The following FZD3 variants were observed in gnomAD, a reference collection of about 807,000 sequenced individuals.
FZD3 encodes the protein frizzled class receptor 3.
In FZD3, 30 loss-of-function variants were observed where a neutral mutation model predicts 60.7. The ratio of observed to expected loss-of-function variants is 0.49; its 90% CI spans 0.37 to 0.67. FZD3 has a LOEUF of 0.67. Among genes scored for constraint, FZD3 ranks in the 30% least tolerant of loss-of-function variants. The probability of loss-of-function intolerance (pLI) is 0.00; values close to 1 mark genes in which losing one functional copy is unlikely to be tolerated. For missense variants in FZD3, 605 were observed against 838.7 expected, an observed-to-expected ratio of 0.72 and a Z score of 3.44; for synonymous variants, 246 against 275.2, an observed-to-expected ratio of 0.89 and a Z score of 1.05.
At chr8:28,503,376 A>G (rs1447795920) in intron 3 of FZD3, among the ~76,000 whole-genome samples, 174 bp downstream of exon 3, 1 of 152,228 alleles carries the variant, frequency 6.6e-6, no homozygotes, top group Non-Finnish European at 1.5e-5. Flanking sequence ...AGATTGAAGA[A>G]TTCACATTTG....
At chr8:28,542,981 A>T (rs944165548) in intron 5 of FZD3, among the ~76,000 whole-genome samples, 1 of 152,146 alleles carries the variant, frequency 6.6e-6, no homozygotes, top group Non-Finnish European at 1.5e-5. Flanking sequence ...GTAGGATAGG[A>T]TGTATCTCTA....
At chr8:28,525,611 G>GA (rs1284404278) in intron 4 of FZD3, among the ~76,000 whole-genome samples, 2 of 152,164 alleles carry the variant, frequency 1.3e-5, no homozygotes. Flanking sequence ...AATAAGATCA[G>GA]AAAAGTACTG....
chr8:28,520,839 G>A lies in FZD3; in HGVS notation c.386+5G>A, dbSNP rs1003095822. ...TGAAGATATGGAATGCAGTAGGTGC[G>A]AAAATCATAGATTTTCATGGATCAT... On this transcript the variant is annotated splice_donor_5th_base_variant and intron_variant, in intron 4 of 7. Coordinates refer to ENST00000240093, the MANE Select transcript of FZD3 (RefSeq NM_017412.4). 9.2e-6 allele frequency: 14 copies of A among 1,521,578 alleles called. No homozygotes were observed. Among genetic ancestry groups the A allele is most frequent in the Admixed American group, 1.9e-5 (1 of 52,074 alleles). The allele number at this position is 1,521,578 out of a possible 1,614,324, so 94.3% of individuals were successfully genotyped here.
intron 5 of FZD3, among the ~76,000 whole-genome samples, chr8:28,533,099 G>A (rs1333338555): frequency 6.6e-6 from 1 of 151,840 alleles, no homozygotes. Context: ...AAATACATTA[G>A]CATAAATTTG....
intron 7 of FZD3, among the ~76,000 whole-genome samples, chr8:28,558,517 G>A (rs1052278100): frequency 5.9e-5 from 9 of 151,504 alleles, no homozygotes; most frequent in Non-Finnish European, 1.0e-4. Flanking sequence ...TGCAACCTCC[G>A]CCTCCCAGGT....
chr8:28,531,584 AGTTT>A, intron 5 of FZD3, among the ~76,000 whole-genome samples: 2 of 152,286 alleles, frequency 1.3e-5, no homozygotes, highest in East Asian at 3.9e-4. Context: ...CCAGAATATG[AGTTT>A]CCCCTTTGTC....
chr8:28,497,373 T>C (rs1563377748), intron 1 of FZD3, among the ~76,000 whole-genome samples: 1 of 152,206 alleles, frequency 6.6e-6, no homozygotes, highest in African/African-American at 2.4e-5. Flanking sequence ...CCAAAGACTA[T>C]ATAGACTTTA....
intron 4 of FZD3, among the ~76,000 whole-genome samples, chr8:28,526,112 A>G (rs1804708944): frequency 6.6e-6 from 1 of 152,086 alleles, no homozygotes; most frequent in Non-Finnish European, 1.5e-5. Context: ...ATATACAAAT[A>G]TATCCATAGA....
intron 3 of FZD3, 27 bp downstream of exon 3, chr8:28,503,229 A>G (rs749178877): frequency 6.9e-7 from 1 of 1,454,862 alleles, no homozygotes; most frequent in African/African-American, 1.4e-5. Context: ...TCTTTGACGT[A>G]TCTTAGTAAA....
intron 3 of FZD3, among the ~76,000 whole-genome samples, chr8:28,509,477 A>G (rs1304803898): frequency 1.3e-5 from 2 of 152,116 alleles, no homozygotes; most frequent in Admixed American, 1.3e-4. Flanking sequence ...AAATTTTTAA[A>G]AATTGTGGTA....
rs1373764974 is a variant in FZD3 at position 28,565,438 on chromosome 8, CA to C, written c.*2428del. On this transcript the variant is annotated 3_prime_UTR_variant, in exon 8 of 8. Coordinates refer to ENST00000240093, the MANE Select transcript of FZD3 (RefSeq NM_017412.4). ...AACAGCATGAGAGAACTAAAACAAA[CA>C]TTCACAAACAAAAATAAGTTAAAAT... The C allele has an allele frequency of 2.6e-5, 4 of 152,174 alleles. No homozygotes were observed. 9.4% of individuals were successfully genotyped at this position (152,174 alleles called of 1,614,324 possible). A position where few individuals can be genotyped will look rare whatever the true frequency, so the allele number is the denominator to read the frequency against.
chr8:28,525,300 A>G (rs115968064), intron 4 of FZD3, among the ~76,000 whole-genome samples: 3 of 152,260 alleles, frequency 2.0e-5, no homozygotes, highest in Non-Finnish European at 4.4e-5. Flanking sequence ...AGACAATGTC[A>G]GATGAAAATG....
rs1384433058 is a variant in FZD3 at position 28,502,710 on chromosome 8, G to A, written c.-304G>A. On this transcript the variant is annotated 5_prime_UTR_variant, in exon 3 of 8. An upstream start codon of the reference 5' UTR is lost. Coordinates refer to ENST00000240093, the MANE Select transcript of FZD3 (RefSeq NM_017412.4). ...GAAGAAATAGCTCTTCTCCTAAGAT[G>A]GAATCTGTGGTTTGGGAATGTGGTT... 4.9e-6 allele frequency: 1 copy of A among 205,392 alleles called. No individual in the cohort carries two copies. Among genetic ancestry groups the A allele is most frequent in the Non-Finnish European group, 9.7e-6 (1 of 103,470 alleles). The allele number at this position is 205,392 out of a possible 1,614,324, so 12.7% of individuals were successfully genotyped here. A position where few individuals can be genotyped will look rare whatever the true frequency, so the allele number is the denominator to read the frequency against.
intron 2 of FZD3, among the ~76,000 whole-genome samples, chr8:28,501,619 G>A (rs1053662409): frequency 2.6e-5 from 4 of 152,274 alleles, no homozygotes; most frequent in South Asian, 2.1e-4. Context: ...TGATAGCTTA[G>A]AATATACTTT....
intron 5 of FZD3, among the ~76,000 whole-genome samples, chr8:28,541,810 G>C (rs537689899): frequency 6.6e-6 from 1 of 152,236 alleles, no homozygotes; most frequent in South Asian, 2.1e-4. Context: ...ATCATTATCC[G>C]CTAGTTGTTC....
chr8:28,540,584 T>C (rs1400440492), intron 5 of FZD3, among the ~76,000 whole-genome samples: 1 of 152,216 alleles, frequency 6.6e-6, no homozygotes, highest in African/African-American at 2.4e-5. Context: ...AAAAGAATAC[T>C]TGACAGTTTT....
chr8:28,544,944 G>A (rs1182284065), intron 5 of FZD3, among the ~76,000 whole-genome samples: 1 of 152,178 alleles, frequency 6.6e-6, no homozygotes, highest in Admixed American at 6.5e-5. Flanking sequence ...GATGCAGGGC[G>A]TTACGTAGCG....
In FZD3 at chr8:28,528,181, T is replaced by G. The variant is rs376897924; in HGVS notation, c.1404+17T>G. 6.4e-7 allele frequency: 1 copy of G among 1,570,856 alleles called. No individual in the cohort carries two copies. The highest frequency in any genetic ancestry group is 1.9e-5 in the Admixed American group (1 of 53,508). On this transcript the variant is annotated intron_variant, in intron 5 of 7. Coordinates refer to ENST00000240093, the MANE Select transcript of FZD3 (RefSeq NM_017412.4). ...CCATATCAGGTAAGGGAAACCTTGTTACAAATTTCAGAATATATGATAATG... is the reference window on the plus strand; with the variant it reads ...CCATATCAGGTAAGGGAAACCTTGTGACAAATTTCAGAATATATGATAATG...
intron 5 of FZD3, among the ~76,000 whole-genome samples, chr8:28,548,073 G>A (rs982431657): frequency 1.3e-5 from 2 of 152,006 alleles, no homozygotes; most frequent in East Asian, 1.9e-4. Flanking sequence ...GGCTGGTCTC[G>A]AACTCCTGAC....
Sources: gnomAD v4.1 joint callset for allele counts (sites outside exome capture counted in the v4.1 genomes callset) on GRCh38, gnomAD v4.1.1 for gene constraint, MANE v1.5 for transcripts, NCBI Gene and HGNC (gene_info 2026-07-23, HGNC 2026-07-21) for gene names.